VPS13B: variants seen among roughly 807,000 people sequenced by gnomAD.
VPS13B encodes vacuolar protein sorting 13 homolog B.
In VPS13B, 285 loss-of-function variants were observed where a neutral mutation model predicts 426.4. The ratio of observed to expected loss-of-function variants is 0.67; its 90% CI spans 0.61 to 0.74. VPS13B has a LOEUF of 0.74. Ranked by LOEUF, VPS13B falls within the 30% of genes least tolerant of loss-of-function variation. The pLI, the probability that VPS13B is intolerant of heterozygous loss-of-function variation, is 0.00. For missense variants in VPS13B, 4,537 were observed against 4,782.6 expected, an observed-to-expected ratio of 0.95 and a Z score of 1.51; for synonymous variants, 1,676 against 1,676.4, an observed-to-expected ratio of 1.00 and a Z score of 0.01.
chr8:99,086,968 C>G (rs1235275597), intron 3 of VPS13B, among the ~76,000 whole-genome samples: 1 of 152,164 alleles, frequency 6.6e-6, no homozygotes, highest in Non-Finnish European at 1.5e-5. Flanking sequence ...GGGAGAACCA[C>G]TACTCTCTTC....
rs118180349 is a variant in VPS13B, at chr8:99,267,518, A to G, written c.2516-6680A>G. ...GCTGAGGTGGGAAGATCAAAAGATC[A>G]GGAGATCGAGACCATCCTGGCTAAC... is the stretch of plus-strand genomic sequence containing the variant. On this transcript the variant is annotated intron_variant, in intron 17 of 61. Coordinates refer to ENST00000357162, the MANE Select transcript of VPS13B (RefSeq NM_152564.5). Among the ~76,000 whole-genome samples, 528 of 152,204 alleles carry G rather than the reference A, an allele frequency of 3.5e-3. 2 individuals carry two copies. The highest frequency in any genetic ancestry group is 0.011 in the African/African-American group (452 of 41,532).
intron 20 of VPS13B, among the ~76,000 whole-genome samples, chr8:99,390,875 A>T (rs1814405409): frequency 6.6e-6 from 1 of 152,212 alleles, no homozygotes; most frequent in African/African-American, 2.4e-5. Flanking sequence ...ACTTTATTTC[A>T]GTGAATAAAG....
chr8:99,208,244 A>G (rs1188395193), intron 17 of VPS13B, among the ~76,000 whole-genome samples: 1 of 152,146 alleles, frequency 6.6e-6, no homozygotes, highest in Non-Finnish European at 1.5e-5. Flanking sequence ...TGAGGGATCC[A>G]TCCTCATGAC....
intron 24 of VPS13B, among the ~76,000 whole-genome samples, chr8:99,469,597 A>G (rs1247816804): frequency 6.6e-6 from 1 of 152,180 alleles, no homozygotes; most frequent in Non-Finnish European, 1.5e-5. Flanking sequence ...TGAAATGACT[A>G]TCTTCTTTGA....
At chr8:99,448,906 G>A (rs1253629852) in intron 23 of VPS13B, among the ~76,000 whole-genome samples, 1 of 152,162 alleles carries the variant, frequency 6.6e-6, no homozygotes, top group Non-Finnish European at 1.5e-5. Context: ...GATACAGGAT[G>A]TCTGAATCCA....
At chr8:99,165,427 T>C (rs1811947725) in intron 15 of VPS13B, among the ~76,000 whole-genome samples, 1 of 152,194 alleles carries the variant, frequency 6.6e-6, no homozygotes, top group Non-Finnish European at 1.5e-5. Flanking sequence ...ATTGAGTAGC[T>C]AAGAGTTTCA....
In VPS13B at chr8:99,848,909, T is replaced by C. The variant is rs1182204382; in HGVS notation, c.10061+15T>C. 1 of 1,608,102 alleles carries C rather than the reference T, an allele frequency of 6.2e-7. No individual in the cohort carries two copies. The highest frequency in any genetic ancestry group is 8.5e-7 in the Non-Finnish European group (1 of 1,174,440). The stretch of plus-strand genomic sequence containing the variant: ...AATACCAACAGGTAGGTTTAATTAT[T>C]TTCCCAGTGACAACATAGTAAGTGT... On this transcript the variant is annotated intron_variant, in intron 55 of 61. Transcript: ENST00000357162.
chr8:99,679,666 A>G (rs1831078471), intron 35 of VPS13B, among the ~76,000 whole-genome samples: 1 of 152,126 alleles, frequency 6.6e-6, no homozygotes, highest in Non-Finnish European at 1.5e-5. Flanking sequence ...TTTGTATACC[A>G]TCATTAATTA....
At chr8:99,095,017 A>G (rs546971571) in intron 3 of VPS13B, among the ~76,000 whole-genome samples, 3 of 152,282 alleles carry the variant, frequency 2.0e-5, no homozygotes, top group African/African-American at 7.2e-5. Flanking sequence ...CCCTCATGTT[A>G]CTACTCTACC....
intron 19 of VPS13B, chr8:99,341,856 A>G (rs1217888988): frequency 5.5e-6 from 1 of 180,718 alleles, no homozygotes; most frequent in African/African-American, 2.4e-5. Context: ...ACCATAGTCA[A>G]GAGGCCTCCT....
chr8:99,061,325 AT>A (rs1844178966), intron 3 of VPS13B, among the ~76,000 whole-genome samples: 1 of 57,178 alleles, frequency 1.7e-5, no homozygotes, highest in Non-Finnish European at 3.8e-5. Flanking sequence ...GAACTTGTTC[AT>A]TTTGCCATGA....
In VPS13B at chr8:99,107,105, GT is replaced by G. The variant is rs1410976861; in HGVS notation, c.581-3987del. On this transcript the variant is annotated intron_variant, in intron 5 of 61. Coordinates refer to ENST00000357162, the MANE Select transcript of VPS13B (RefSeq NM_152564.5). Reference sequence around the variant, plus strand: ...TAAGCTTCAGAGATACTGACAAATAGTTTTTTCATAATAGTAATGCCATTTT... The same window carrying G: ...TAAGCTTCAGAGATACTGACAAATAGTTTTTCATAATAGTAATGCCATTTT... 2.0e-5 allele frequency among the ~76,000 whole-genome samples: 3 copies of G among 152,206 alleles called. No individual in the cohort carries two copies. The East Asian group carries it at 5.8e-4, about 29-fold the overall frequency.
intron 35 of VPS13B, chr8:99,696,047 C>G (rs946523284): frequency 6.5e-6 from 1 of 153,560 alleles, no homozygotes; most frequent in African/African-American, 2.4e-5. Context: ...CCCCGTGTAC[C>G]CTTCCTTCAG....
chr8:99,514,176 A>G (rs1340704501), intron 29 of VPS13B, among the ~76,000 whole-genome samples: 2 of 152,110 alleles, frequency 1.3e-5, no homozygotes, highest in Non-Finnish European at 2.9e-5. Context: ...GGTGTTCTTC[A>G]CTGGATAGGT....
intron 14 of VPS13B, among the ~76,000 whole-genome samples, chr8:99,155,625 T>TA (rs964466051): frequency 6.6e-6 from 1 of 152,168 alleles, no homozygotes; most frequent in Non-Finnish European, 1.5e-5. Flanking sequence ...TAGTAATGAG[T>TA]AAAAAATCAG....
chr8:99,743,112 G>A (rs199596502), intron 39 of VPS13B, among the ~76,000 whole-genome samples: 9 of 152,124 alleles, frequency 5.9e-5, no homozygotes, highest in African/African-American at 1.2e-4. Context: ...TAAGCTGATA[G>A]GCAACTTCAG....
At chr8:99,093,486 G>A (rs2132421974) in intron 3 of VPS13B, among the ~76,000 whole-genome samples, 1 of 151,600 alleles carries the variant, frequency 6.6e-6, no homozygotes, top group East Asian at 1.9e-4. Flanking sequence ...CCACTAACTT[G>A]TCATCTAGCA....
intron 22 of VPS13B, among the ~76,000 whole-genome samples, chr8:99,436,832 A>G (rs1031829855): frequency 3.5e-4 from 53 of 151,896 alleles, no homozygotes; most frequent in Non-Finnish European, 6.2e-4. Flanking sequence ...TCCGCCTCCC[A>G]GGTTTATGCC....
chr8:99,451,674 G>C (rs936043488), intron 23 of VPS13B, among the ~76,000 whole-genome samples: 2 of 151,976 alleles, frequency 1.3e-5, no homozygotes, highest in Admixed American at 6.5e-5. Flanking sequence ...TTCTTTCCTT[G>C]GTCTCTTCTG....
Sources: allele counts gnomAD v4.1 joint callset (sites outside exome capture counted in the v4.1 genomes callset), GRCh38; gene constraint gnomAD v4.1.1; transcripts MANE v1.5; gene names NCBI Gene and HGNC (gene_info 2026-07-23, HGNC 2026-07-21).